Variants in FER observed in about 807,000 individuals in gnomAD.
FER encodes tyrosine-protein kinase Fer.
In FER, 63 loss-of-function variants were observed where a neutral mutation model predicts 111.0. The observed-to-expected ratio is 0.57, with a 90% confidence interval of 0.46 to 0.70. FER has a LOEUF of 0.70. FER is among the 30% of genes least tolerant of loss of function. FER has a pLI of 0.00. For missense variants in FER, 914 were observed against 954.0 expected (o/e 0.96, Z 0.55); for synonymous variants, 327 against 313.9 (o/e 1.04, Z -0.44).
intron 13 of FER, among the ~76,000 whole-genome samples, chr5:108,976,129 CAG>C (rs1761308216): frequency 6.6e-6 from 1 of 152,120 alleles, no homozygotes. Context: ...GGGCCTATGA[CAG>C]ATAATTCAGG....
chr5:108,921,237 G>A lies in FER; in HGVS notation c.1236+23389G>A, dbSNP rs976204088. 2.0e-5 allele frequency among the ~76,000 whole-genome samples: 3 copies of A among 151,806 alleles called. No homozygotes were observed. The South Asian group carries it at 6.2e-4, about 32-fold the overall frequency. The stretch of plus-strand genomic sequence containing the variant: ...CTATTACTACAATTATTACTATTTT[G>A]TTGGTTAGAATTTACTCTGTGGTAG... On this transcript the variant is annotated intron_variant, in intron 10 of 19. Transcript: ENST00000281092.
At chr5:109,123,465 G>T (rs1751275266) in intron 17 of FER, among the ~76,000 whole-genome samples, 1 of 150,338 alleles carries the variant, frequency 6.7e-6, no homozygotes, top group African/African-American at 2.4e-5. Flanking sequence ...TTGTTTTTTT[G>T]TTGGTTTTTT....
At chr5:108,888,943 G>T (rs919446525) in intron 9 of FER, among the ~76,000 whole-genome samples, 1 of 151,786 alleles carries the variant, frequency 6.6e-6, no homozygotes, top group Non-Finnish European at 1.5e-5. Flanking sequence ...GGAAATTTAC[G>T]TTTTAATCTT....
At chr5:108,868,425 G>A (rs371987184) in intron 6 of FER, among the ~76,000 whole-genome samples, 1 of 152,054 alleles carries the variant, frequency 6.6e-6, no homozygotes, top group Admixed American at 6.6e-5. Flanking sequence ...ATATAGAGAT[G>A]AGCAGGGCAC....
intron 16 of FER, among the ~76,000 whole-genome samples, chr5:109,058,319 A>T (rs1316583419): frequency 6.6e-6 from 1 of 152,162 alleles, no homozygotes; most frequent in Non-Finnish European, 1.5e-5. Flanking sequence ...ATATGCTGGC[A>T]CTCACAACTT....
At chr5:109,056,389 G>A (rs76145844) in intron 16 of FER, among the ~76,000 whole-genome samples, 23 of 152,234 alleles carry the variant, frequency 1.5e-4, no homozygotes, top group Admixed American at 3.9e-4. Context: ...TTCTTCAGCC[G>A]TAAAAAGGAG....
intron 13 of FER, among the ~76,000 whole-genome samples, chr5:108,984,713 G>T (rs780591300): frequency 2.0e-5 from 3 of 150,920 alleles, no homozygotes; most frequent in African/African-American, 7.2e-5. Context: ...CTAAAAGTAC[G>T]TGGGGAAACT....
chr5:109,043,556 T>C (rs1771492202), intron 14 of FER, among the ~76,000 whole-genome samples: 1 of 152,136 alleles, frequency 6.6e-6, no homozygotes, highest in African/African-American at 2.4e-5. Flanking sequence ...AGGTACAAAT[T>C]TTAACTTGTG....
At chr5:108,760,564 A>G (rs955689878) in intron 1 of FER, among the ~76,000 whole-genome samples, 2 of 152,220 alleles carry the variant, frequency 1.3e-5, no homozygotes, top group Non-Finnish European at 2.9e-5. Flanking sequence ...TGCAACTTGT[A>G]CATCACCACT....
chr5:108,939,591 G>T (rs1755980148), intron 10 of FER, among the ~76,000 whole-genome samples: 1 of 152,060 alleles, frequency 6.6e-6, no homozygotes, highest in South Asian at 2.1e-4. Flanking sequence ...TCTCAGAGAG[G>T]CTGAGGATGG....
chr5:108,854,214 A>C (rs1411521083), intron 5 of FER, among the ~76,000 whole-genome samples: 2 of 152,194 alleles, frequency 1.3e-5, no homozygotes, highest in Admixed American at 6.5e-5. Flanking sequence ...AAAGACACCT[A>C]ATTTAACATT....
At position 109,170,361 on chromosome 5, in the gene FER, G is replaced by A. The variant is rs542779963; in HGVS notation, c.2049-10386G>A. Among the ~76,000 whole-genome samples, 271 of 152,228 alleles carry A rather than the reference G, an allele frequency of 1.8e-3. 1 individual carries two copies. The highest frequency in any genetic ancestry group is 5.8e-3 in the African/African-American group (240 of 41,546). On this transcript the variant is annotated intron_variant, in intron 17 of 19. Coordinates refer to ENST00000281092, the MANE Select transcript of FER (RefSeq NM_005246.4). ...AATCTATCTACTCAGGGATTAAAGA[G>A]TATAACTTTTATCAAGATAAAATGA...
chr5:109,084,698 A>G (rs1777362586), intron 16 of FER, among the ~76,000 whole-genome samples: 1 of 151,886 alleles, frequency 6.6e-6, no homozygotes, highest in South Asian at 2.1e-4. Context: ...AAGATCACAA[A>G]TATATTTTCT....
At position 109,104,101 on chromosome 5, in the gene FER, C is replaced by A. The variant is rs534327673; in HGVS notation, c.2048+3582C>A. On this transcript the variant is annotated intron_variant, in intron 17 of 19. Coordinates refer to ENST00000281092, the MANE Select transcript of FER (RefSeq NM_005246.4). The stretch of plus-strand genomic sequence containing the variant: ...GGAGGGGTTAGGTAGAATATGATTT[C>A]TTTTTCTAATTTTCAACTCTATACT... Among the ~76,000 whole-genome samples, 59 of 152,288 alleles carry A rather than the reference C, an allele frequency of 3.9e-4. No individual in the cohort carries two copies. In the South Asian group the frequency reaches 0.012, roughly 30 times the overall value.
At chr5:108,845,021 TATATATATATATATATATAC>T (rs1428643579) in intron 5 of FER, among the ~76,000 whole-genome samples, 190 of 52,670 alleles carry the variant, frequency 3.6e-3, no homozygotes, top group Non-Finnish European at 4.1e-3. Flanking sequence ...TATATATATA[TATATATATATATATATATAC>T]ATATATATAT....
chr5:109,108,826 T>C (rs1322081935), intron 17 of FER, among the ~76,000 whole-genome samples: 1 of 152,182 alleles, frequency 6.6e-6, no homozygotes, highest in African/African-American at 2.4e-5. Flanking sequence ...TCCTACTTTC[T>C]GGCCTCCAAG....
chr5:109,131,276 G>C (rs967622334), intron 17 of FER, among the ~76,000 whole-genome samples: 2 of 152,080 alleles, frequency 1.3e-5, no homozygotes, highest in East Asian at 3.8e-4. Context: ...GCTGATTGCT[G>C]ATTTTATTTT....
rs1209408311 is a variant in FER at position 108,751,157 on chromosome 5, A to C, written c.-206+3157A>C. Among the ~76,000 whole-genome samples the C allele has an allele frequency of 2.0e-5, 3 of 152,184 alleles. No individual in the cohort carries two copies. In the East Asian group the frequency reaches 5.8e-4, roughly 29 times the overall value. On this transcript the variant is annotated intron_variant, in intron 1 of 19. Coordinates refer to ENST00000281092, the MANE Select transcript of FER (RefSeq NM_005246.4). ...TGGTGAGTGGAGATCACACCATTGC[A>C]CTCCAGCCTAGGTAACAAGACCGAA... is the stretch of plus-strand genomic sequence containing the variant.
intron 2 of FER, among the ~76,000 whole-genome samples, chr5:108,787,127 G>T (rs1013789807): frequency 6.6e-6 from 1 of 152,124 alleles, no homozygotes; most frequent in African/African-American, 2.4e-5. Context: ...GCCCCTGTAG[G>T]CTTGAAAGTG....
Sources: allele counts gnomAD v4.1 joint callset (sites outside exome capture counted in the v4.1 genomes callset), GRCh38; gene constraint gnomAD v4.1.1; transcripts MANE v1.5; gene names NCBI Gene and HGNC (gene_info 2026-07-23, HGNC 2026-07-21).